FGD5: variants seen among roughly 807,000 people sequenced by gnomAD.
The protein encoded by FGD5 is FYVE, RhoGEF and PH domain containing 5.
A neutral mutation model predicts 133.4 loss-of-function variants in FGD5; 28 were observed. That is an observed-to-expected ratio of 0.21 (90% CI 0.16 to 0.29). FGD5 has a LOEUF of 0.29. Ranked by LOEUF, FGD5 falls within the 10% of genes least tolerant of loss-of-function variation. The pLI, the probability that FGD5 is intolerant of heterozygous loss-of-function variation, is 1.00. For synonymous variants in FGD5, 810 were observed against 776.5 expected (o/e 1.04, Z -0.72); for missense variants, 1,858 against 1,895.2 (o/e 0.98, Z 0.36).
chr3:14,900,899 A>G (rs985551592), intron 8 of FGD5, 104 bp from the exon 9 acceptor site: 2 of 1,245,162 alleles, frequency 1.6e-6, no homozygotes, highest in Non-Finnish European at 2.4e-6. Context: ...TCACCTAGGC[A>G]GTAGTGGCCA....
At chr3:14,905,579 C>T (rs2038323149) in intron 9 of FGD5, among the ~76,000 whole-genome samples, 1 of 152,152 alleles carries the variant, frequency 6.6e-6, no homozygotes, top group African/African-American at 2.4e-5. Context: ...CAAAGGAATT[C>T]TTTGTTTCTG....
chr3:14,920,479 A>C (rs1019168822), intron 13 of FGD5: 1 of 151,998 alleles, frequency 6.6e-6, no homozygotes, highest in African/African-American at 2.4e-5. Flanking sequence ...CAACATAGTG[A>C]GACCCTGTCT....
chr3:14,904,612 C>A (rs549078424), intron 9 of FGD5, among the ~76,000 whole-genome samples: 15 of 152,240 alleles, frequency 9.9e-5, no homozygotes, highest in African/African-American at 3.6e-4. Context: ...TAGAATCAGT[C>A]ATTTCTCCAT....
At chr3:14,865,239 A>T (rs937303083) in intron 2 of FGD5, among the ~76,000 whole-genome samples, 4 of 149,690 alleles carry the variant, frequency 2.7e-5, no homozygotes, top group African/African-American at 4.9e-5. Flanking sequence ...CCTGCCTCCC[A>T]CTCTCCATCA....
At position 14,820,683 on chromosome 3, in the gene FGD5, C is replaced by A. The variant is rs373576478; in HGVS notation, c.1612C>A (p.Pro538Thr). The stretch of plus-strand genomic sequence containing the variant: ...GCCCTTGGAAGCCAGCAGGGCCTTG[C>A]CAGCAAAGCCCAGGGCCTTTACTTT... ...GKPLEASRAL[P>T]AKPRAFTLYP... Residue 538 changes from proline (P) to threonine (T), a missense_variant, in exon 1 of 20, where the codon CCA becomes ACA. Coordinates refer to ENST00000285046, the MANE Select transcript of FGD5 (RefSeq NM_152536.4). The A allele has an allele frequency of 2.5e-5, 39 of 1,589,218 alleles. No homozygotes were observed. The highest frequency in any genetic ancestry group is 2.2e-4 in the Admixed American group (12 of 55,632).
At chr3:14,861,841 C>A (rs1432928082) in intron 1 of FGD5, among the ~76,000 whole-genome samples, 3 of 152,196 alleles carry the variant, frequency 2.0e-5, no homozygotes, top group African/African-American at 7.2e-5. Flanking sequence ...CAAATCCCAG[C>A]AGCCCTGGAA....
chr3:14,813,035 C>T (rs2036316611), intron 1 of FGD5, among the ~76,000 whole-genome samples: 1 of 152,104 alleles, frequency 6.6e-6, no homozygotes, highest in Non-Finnish European at 1.5e-5. Flanking sequence ...TATTGAAGGG[C>T]TGAGACAAGA....
At chr3:14,932,386 G>A in intron 18 of FGD5, 191 bp from the exon 19 acceptor site, 1 of 591,630 alleles carries the variant, frequency 1.7e-6, no homozygotes, top group South Asian at 2.6e-5. Flanking sequence ...CCCAGCCAGT[G>A]TCGTTTCTTT....
chr3:14,924,217 C>T (rs545375604), intron 17 of FGD5, 79 bp downstream of exon 17: 2 of 1,602,698 alleles, frequency 1.2e-6, no homozygotes, highest in South Asian at 2.2e-5. Flanking sequence ...CGGAGTCAGA[C>T]CCTGCCCTGT....
chr3:14,871,100 G>A (rs2037598758), intron 2 of FGD5, among the ~76,000 whole-genome samples: 1 of 152,156 alleles, frequency 6.6e-6, no homozygotes, highest in Non-Finnish European at 1.5e-5. Flanking sequence ...CAATTTGAAT[G>A]TCACCTCCTC....
At chr3:14,877,211 G>A (rs1172462823) in intron 2 of FGD5, among the ~76,000 whole-genome samples, 1 of 152,230 alleles carries the variant, frequency 6.6e-6, no homozygotes, top group African/African-American at 2.4e-5. Flanking sequence ...GTTGGGCAAC[G>A]CCCAGAAGCA....
chr3:14,831,637 G>C (rs960554908), intron 1 of FGD5, among the ~76,000 whole-genome samples: 1 of 152,170 alleles, frequency 6.6e-6, no homozygotes, highest in African/African-American at 2.4e-5. Context: ...AGGGAATAAG[G>C]TTGGGAAGGC....
At chr3:14,897,835 G>A (rs1035287621) in intron 5 of FGD5, 104 bp from the exon 6 acceptor site, 2 of 1,508,106 alleles carry the variant, frequency 1.3e-6, no homozygotes, top group Non-Finnish European at 1.8e-6. Context: ...CAAGGGTTGA[G>A]CTGGGATCTG....
At position 14,933,156 on chromosome 3, in the gene FGD5, A is replaced by C; in HGVS notation, c.4378A>C (p.Ser1460Arg). The C allele has an allele frequency of 1.2e-6, 2 of 1,613,658 alleles. No homozygotes were observed. The highest frequency in any genetic ancestry group is 1.7e-6 in the Non-Finnish European group (2 of 1,179,772). ...GTGGATCGAGGCCATGGAAGATGCG[A>C]GTGTGTTATAGCAGTTATCAAGCAT... ...QRWIEAMEDASVL is the reference protein window; with the variant it reads ...QRWIEAMEDARVL Residue 1460 changes from serine to arginine, a missense_variant, in exon 20 of 20, where the codon AGT (serine) becomes CGT (arginine). This residue lies in a region of FGD5 where 1,824 missense variants were observed against 1,848.9 expected (regional missense o/e 0.99). Coordinates refer to ENST00000285046, the MANE Select transcript of FGD5 (RefSeq NM_152536.4).
chr3:14,891,929 T>C lies in FGD5; in HGVS notation c.2749-5580T>C, dbSNP rs548876505. On this transcript the variant is annotated intron_variant, in intron 4 of 19. Coordinates refer to ENST00000285046, the MANE Select transcript of FGD5 (RefSeq NM_152536.4). ...ACTCTCCCCTTCTCTCTCTCTCTCT[T>C]TCTTTTTCTCTCTTTCTCCCTCTCT... Among the ~76,000 whole-genome samples the C allele has an allele frequency of 1.6e-3, 241 of 151,816 alleles. 2 individuals carry two copies. The Middle Eastern group carries it at 0.021, about 13-fold the overall frequency.
intron 18 of FGD5, among the ~76,000 whole-genome samples, chr3:14,927,916 C>T (rs995026157): frequency 2.7e-5 from 4 of 150,748 alleles, no homozygotes; most frequent in East Asian, 1.9e-4. Context: ...AAGTGTGTGA[C>T]GCCAGGCCTA....
intron 11 of FGD5, among the ~76,000 whole-genome samples, chr3:14,911,291 T>C (rs1271394230): frequency 6.6e-6 from 1 of 152,220 alleles, no homozygotes; most frequent in Admixed American, 6.5e-5. Flanking sequence ...CCAAGCGTTG[T>C]GACCCAAGTC....
intron 1 of FGD5, among the ~76,000 whole-genome samples, chr3:14,825,443 A>G (rs560211660): frequency 6.6e-6 from 1 of 150,614 alleles, no homozygotes; most frequent in South Asian, 2.1e-4. Flanking sequence ...CCATCTCTAC[A>G]TATACACTCC....
chr3:14,816,612 C>G (rs1478401785), upstream of FGD5, among the ~76,000 whole-genome samples: 1 of 152,186 alleles, frequency 6.6e-6, no homozygotes, highest in Non-Finnish European at 1.5e-5. Flanking sequence ...CAGCCAGGCT[C>G]CAAAGGCTCC....
Sources: gnomAD v4.1 joint callset for allele counts (sites outside exome capture counted in the v4.1 genomes callset) on GRCh38, gnomAD v4.1.1 for gene constraint, gnomAD v4.1.1 regional missense constraint, MANE v1.5 for transcripts, NCBI Gene and HGNC (gene_info 2026-07-23, HGNC 2026-07-21) for gene names.